MUC5B: variants seen among roughly 807,000 people sequenced by gnomAD.
The protein encoded by MUC5B is mucin 5B, oligomeric mucus/gel-forming.
MUC5B carries 116 observed loss-of-function variants against 376.9 expected under a neutral mutation model. The ratio of observed to expected loss-of-function variants is 0.31; its 90% CI spans 0.26 to 0.36. MUC5B has a LOEUF of 0.36. Among genes scored for constraint, MUC5B ranks in the 10% least tolerant of loss-of-function variants. The probability of loss-of-function intolerance (pLI) is 1.00; values close to 1 mark genes in which losing one functional copy is unlikely to be tolerated. For missense variants in MUC5B, 7,165 were observed against 7,769.9 expected (o/e 0.92, Z 2.93); for synonymous variants, 3,517 against 3,390.9 (o/e 1.04, Z -1.29).
rs952984083 is a variant in MUC5B at position 1,234,117 on chromosome 11, C to T, written c.2378-88C>T. ...TTGGCTCGGGGGCTGTTAACTTGAT[C>T]AGCAGGACAGGCTCAGGGCTGCCTG... is the stretch of plus-strand genomic sequence containing the variant. On this transcript the variant is annotated intron_variant, in intron 19 of 48. Coordinates refer to ENST00000529681, the MANE Select transcript of MUC5B (RefSeq NM_002458.3). The surrounding 1 kb of genome is among the most constrained non-coding windows in gnomAD (Gnocchi z 6.3). 5 of 1,126,700 alleles carry T rather than the reference C, an allele frequency of 4.4e-6. No individual in the cohort carries two copies. The highest frequency in any genetic ancestry group is 2.1e-5 in the Admixed American group (1 of 48,556). 69.8% of individuals were successfully genotyped at this position (1,126,700 alleles called of 1,614,324 possible).
Position 1,240,243 on chromosome 11 carries a change from G to A in MUC5B, c.3838G>A (p.Gly1280Arg), listed in dbSNP as rs1367882378. ...YQDVIYNTTDGLGACLIAICG... is the reference protein window; with the variant it reads ...YQDVIYNTTDRLGACLIAICG... Reference sequence around the variant, plus strand: ...GGACGTCATCTACAACACCACCGATGGGCTTGGCGCCTGCTTGATCGCCAT... The same window carrying A: ...GGACGTCATCTACAACACCACCGATAGGCTTGGCGCCTGCTTGATCGCCAT... Residue 1280 changes from glycine (G) to arginine (R), a missense_variant, in exon 30 of 49, where the codon GGG becomes AGG. Around this residue, in one of 31 missense-constraint regions of MUC5B, gnomAD observed 517 missense variants for 545.3 expected, o/e 0.95. Coordinates refer to ENST00000529681, the MANE Select transcript of MUC5B (RefSeq NM_002458.3). The A allele has an allele frequency of 6.8e-6, 11 of 1,613,584 alleles. No homozygotes were observed. Among genetic ancestry groups the A allele is most frequent in the Non-Finnish European group, 7.6e-6 (9 of 1,179,624 alleles).
intron 31 of MUC5B, 94 bp downstream of exon 31, chr11:1,251,837 C>A: frequency 1.1e-6 from 1 of 933,818 alleles, no homozygotes; most frequent in Non-Finnish European, 1.6e-6. Flanking sequence ...TTTCTCCCTG[C>A]TGGTCATGTT....
chr11:1,251,326 A>G lies in MUC5B; in HGVS notation c.14446A>G (p.Thr4816Ala), dbSNP rs1164904938. ...TATPSSTLGTTRILTELTTTA... is the reference protein window; with the variant it reads ...TATPSSTLGTARILTELTTTA... ...CACACCCTCCTCCACTCTGGGGACG[A>G]CCCGGATCCTCACTGAGCTGACCAC... The change falls in exon 31 of 49, where the codon ACC (threonine) becomes GCC (alanine). Residue 4816 changes from threonine to alanine, a missense_variant. Coordinates refer to ENST00000529681, the MANE Select transcript of MUC5B (RefSeq NM_002458.3). The G allele has an allele frequency of 6.2e-7, 1 of 1,609,518 alleles. No homozygotes were observed. The highest frequency in any genetic ancestry group is 2.2e-5 in the East Asian group (1 of 44,832).
At position 1,250,149 on chromosome 11, in the gene MUC5B, G is replaced by A. The variant is rs1475730067; in HGVS notation, c.13269G>A (p.Glu4423=). 2.5e-6 allele frequency: 4 copies of A among 1,611,194 alleles called. No individual in the cohort carries two copies. Among genetic ancestry groups the A allele is most frequent in the Non-Finnish European group, 3.4e-6 (4 of 1,178,562 alleles). ...STPGTTWILT[E]LTTTATTTAS... The stretch of plus-strand genomic sequence containing the variant: ...CAGGGACCACCTGGATCCTCACAGA[G>A]CTGACCACAACAGCCACTACGACTG... Residue 4423 remains glutamate (E), a synonymous_variant, in exon 31 of 49, where the codon GAG becomes GAA. Transcript: ENST00000529681.
Position 1,245,998 on chromosome 11 carries a change from A to G in MUC5B, c.9118A>G (p.Thr3040Ala). Residue 3040 changes from threonine (T) to alanine (A), a missense_variant, in exon 31 of 49, where the codon ACT becomes GCT. This residue lies in a region of MUC5B where 939 missense variants were observed against 770.6 expected (regional missense o/e 1.22). Transcript: ENST00000529681. ...ACCCACAGCCACCAGTTCCAAAGCC[A>G]CTTCCTCCTCCAGTCCAAGGACTGC... ...TTPTATSSKA[T>A]SSSSPRTATT... 1 of 1,612,428 alleles carries G rather than the reference A, an allele frequency of 6.2e-7. No homozygotes were observed. Among genetic ancestry groups the G allele is most frequent in the Non-Finnish European group, 8.5e-7 (1 of 1,179,492 alleles).
chr11:1,235,534 G>A, intron 23 of MUC5B, 121 bp downstream of exon 23: 1 of 826,194 alleles, frequency 1.2e-6, no homozygotes, highest in Non-Finnish European at 2.0e-6. Context: ...GCCCCGGGCT[G>A]CTGTTCCAAG....
Position 1,247,735 on chromosome 11 carries a change from G to T in MUC5B, c.10855G>T (p.Ala3619Ser). The change falls in exon 31 of 49, where the codon GCC becomes TCC. Residue 3619 changes from alanine to serine, a missense_variant. This residue lies in a region of MUC5B where 81 missense variants were observed against 154.5 expected (regional missense o/e 0.52). Coordinates refer to ENST00000529681, the MANE Select transcript of MUC5B (RefSeq NM_002458.3). ...CEQPLGLECR[A>S]QAQPGVPLRE... ...GCAGCCCCTGGGCCTCGAGTGCCGTGCCCAGGCCCAGCCTGGTGTCCCCCT... is the reference window on the plus strand; with the variant it reads ...GCAGCCCCTGGGCCTCGAGTGCCGTTCCCAGGCCCAGCCTGGTGTCCCCCT... 1 of 1,605,510 alleles carries T rather than the reference G, an allele frequency of 6.2e-7. No individual in the cohort carries two copies. The highest frequency in any genetic ancestry group is 8.5e-7 in the Non-Finnish European group (1 of 1,176,502).
chr11:1,231,676 C>T, intron 14 of MUC5B, 116 bp downstream of exon 14: 1 of 1,301,002 alleles, frequency 7.7e-7, no homozygotes, highest in South Asian at 1.5e-5. Flanking sequence ...GGGGGCTGCC[C>T]CCAGGGCATG....
At position 1,260,779 on chromosome 11, in the gene MUC5B, G is replaced by A. The variant is rs112002418; in HGVS notation, c.17069+51G>A. The A allele has an allele frequency of 7.4e-4, 1,013 of 1,373,726 alleles. 15 individuals are homozygous for A. In the African/African-American group the frequency reaches 0.013, roughly 17 times the overall value. 85.1% of individuals were successfully genotyped at this position (1,373,726 alleles called of 1,614,324 possible). Reference sequence around the variant, plus strand: ...AAGAGCACCTGCGTGTGGTGGGTCCGCCCTGGCCCGTCAGCTGGCTGGCAG... The same window carrying A: ...AAGAGCACCTGCGTGTGGTGGGTCCACCCTGGCCCGTCAGCTGGCTGGCAG... On this transcript the variant is annotated intron_variant, in intron 48 of 48. Coordinates refer to ENST00000529681, the MANE Select transcript of MUC5B (RefSeq NM_002458.3).
rs3021155 is a variant in MUC5B, at chr11:1,251,479, G to A, written c.14599G>A (p.Ala4867Thr). The A allele has an allele frequency of 0.075, 121,671 of 1,611,834 alleles. 5,122 individuals are homozygous for A. Among genetic ancestry groups the A allele is most frequent in the Admixed American group, 0.12 (7,136 of 59,932 alleles). The change falls in exon 31 of 49, where the codon GCC becomes ACC. Residue 4867 changes from alanine (A) to threonine (T), a missense_variant. By Grantham distance (58) the Ala-to-Thr change is moderately conservative. Around this residue, in one of 31 missense-constraint regions of MUC5B, gnomAD observed 730 missense variants for 592.7 expected, o/e 1.23. Coordinates refer to ENST00000529681, the MANE Select transcript of MUC5B (RefSeq NM_002458.3). ...GGTGCCCACCGGTTCCACGGCCACC[G>A]CCTCCTCCACTCTGGGAACAGCTCA... ...VMVPTGSTAT[A>T]SSTLGTAHTP...
chr11:1,250,621 C>G lies in MUC5B; in HGVS notation c.13741C>G (p.Pro4581Ala). 1 of 1,612,832 alleles carries G rather than the reference C, an allele frequency of 6.2e-7. No homozygotes were observed. Among genetic ancestry groups the G allele is most frequent in the Non-Finnish European group, 8.5e-7 (1 of 1,179,106 alleles). ...TTGATGSVAT[P>A]SSTPGTAHTT... ...CGGGGCCACCGGCTCTGTGGCCACC[C>G]CCTCCTCCACCCCAGGAACAGCTCA... The change falls in exon 31 of 49, where the codon CCC (proline) becomes GCC (alanine). Residue 4581 changes from proline to alanine, a missense_variant. By Grantham distance (27) the Pro-to-Ala change is conservative. This residue lies in a region of MUC5B where 730 missense variants were observed against 592.7 expected (regional missense o/e 1.23). Transcript: ENST00000529681.
Position 1,241,793 on chromosome 11 carries a change from G to A in MUC5B, c.4913G>A (p.Gly1638Glu). 3 of 1,612,134 alleles carry A rather than the reference G, an allele frequency of 1.9e-6. No homozygotes were observed. Among genetic ancestry groups the A allele is most frequent in the South Asian group, 1.1e-5 (1 of 90,934 alleles). The part of the protein sequence containing the change: ...FSTPQPTSSP[G>E]LTRAPPASTT... ...ACGCCGCAGCCTACGAGTAGCCCGG[G>A]GCTGACCAGGGCTCCCCCGGCCAGC... is the stretch of plus-strand genomic sequence containing the variant. Residue 1638 changes from glycine (G) to glutamate (E), a missense_variant, in exon 31 of 49, where the codon GGG becomes GAG. Physicochemically the swap from Gly to Glu is moderately conservative, Grantham distance 98 (BLOSUM62 -2). Around this residue, in one of 31 missense-constraint regions of MUC5B, gnomAD observed 897 missense variants for 779.6 expected, o/e 1.15. Transcript: ENST00000529681.
Position 1,229,866 on chromosome 11 carries a change from G to C in MUC5B, c.1220+59G>C, listed in dbSNP as rs1445157313. The C allele has an allele frequency of 4.5e-6, 7 of 1,542,576 alleles. No homozygotes were observed. In the Admixed American group the frequency reaches 9.7e-5, roughly 21 times the overall value. On this transcript the variant is annotated intron_variant, in intron 10 of 48. Transcript: ENST00000529681. ...GGGGTGTGGAGCTCCTGGTATTTAT[G>C]AACCCGCCAGCCTCTGCCTGGGGTG...
Position 1,257,607 on chromosome 11 carries a change from G to T in MUC5B, c.16347G>T (p.Leu5449=). 1 of 1,604,268 alleles carries T rather than the reference G, an allele frequency of 6.2e-7. No individual in the cohort carries two copies. The highest frequency in any genetic ancestry group is 8.5e-7 in the Non-Finnish European group (1 of 1,179,520). ...EGSVSVQCKP[L]PCDAQGQPPP... ...CAGTGTCGGTGCAGTGCAAGCCCCTGCCCTGTGACGCCCAGGGTCAGCCCC... is the reference window on the plus strand; with the variant it reads ...CAGTGTCGGTGCAGTGCAAGCCCCTTCCCTGTGACGCCCAGGGTCAGCCCC... Residue 5449 remains leucine (L), a synonymous_variant, in exon 41 of 49, where the codon CTG becomes CTT. Transcript: ENST00000529681. This position sits in a 1 kb window ranked among gnomAD's most constrained non-coding sequence, Gnocchi z 8.9.
In MUC5B at chr11:1,226,671, A is replaced by T. The variant is rs1171473703; in HGVS notation, c.256A>T (p.Lys86Ter). The T allele has an allele frequency of 6.2e-7, 1 of 1,612,404 alleles. No individual in the cohort carries two copies. The highest frequency in any genetic ancestry group is 2.2e-5 in the East Asian group (1 of 44,868). The part of the protein sequence containing the change: ...VCSTWGDFHY[K>*]TFDGDVFRFP... ...CAGCACCTGGGGTGACTTCCACTAC[A>T]AGACCTTCGACGGCGACGTCTTCCG... The change falls in exon 4 of 49, where the codon AAG becomes TAG. Residue 86 changes from lysine to a stop codon, truncating the protein, a stop_gained. Coordinates refer to ENST00000529681, the MANE Select transcript of MUC5B (RefSeq NM_002458.3). LOFTEE classifies it high-confidence loss of function.
chr11:1,224,609 G>C (rs1401995424), intron 1 of MUC5B, among the ~76,000 whole-genome samples: 4 of 151,632 alleles, frequency 2.6e-5, no homozygotes, highest in South Asian at 2.1e-4. Context: ...GGCTGCCTGC[G>C]GCGGGAGCCG....
At position 1,242,982 on chromosome 11, in the gene MUC5B, C is replaced by G; in HGVS notation, c.6102C>G (p.Gly2034=). The G allele has an allele frequency of 6.2e-7, 1 of 1,613,126 alleles. No homozygotes were observed. Among genetic ancestry groups the G allele is most frequent in the Non-Finnish European group, 8.5e-7 (1 of 1,179,410 alleles). Residue 2034 remains glycine, a synonymous_variant, in exon 31 of 49, where the codon GGC becomes GGG. Transcript: ENST00000529681. ...CGGCCACCACAACTGGGGCCACCGGCTCTGTGGCCACCCCCTCCTCCACCC... is the reference window on the plus strand; with the variant it reads ...CGGCCACCACAACTGGGGCCACCGGGTCTGTGGCCACCCCCTCCTCCACCC... The part of the protein sequence containing the change: ...TATATTTGAT[G]SVATPSSTPG...
rs770458795 is a variant in MUC5B at position 1,251,189 on chromosome 11, C to T, written c.14309C>T (p.Thr4770Ile). Reference protein sequence around the residue: ...TTWTVPAQTTTPMSTMSTIHT... With the variant: ...TTWTVPAQTTIPMSTMSTIHT... ...TGGACCGTCCCAGCACAGACCACCA[C>T]ACCCATGTCCACCATGTCCACAATC... Residue 4770 changes from threonine to isoleucine, a missense_variant, in exon 31 of 49, where the codon ACA (threonine) becomes ATA (isoleucine). Transcript: ENST00000529681. 13 of 1,611,440 alleles carry T rather than the reference C, an allele frequency of 8.1e-6. No homozygotes were observed. The East Asian group carries it at 2.2e-4, about 28-fold the overall frequency.
chr11:1,226,045 G>T (rs1050127296), intron 2 of MUC5B, among the ~76,000 whole-genome samples, 160 bp from the exon 3 acceptor site: 10 of 152,372 alleles, frequency 6.6e-5, no homozygotes, highest in African/African-American at 2.4e-4. Flanking sequence ...TGTTTGTGGG[G>T]CAGACAGGGC....
Sources: allele counts gnomAD v4.1 joint callset (sites outside exome capture counted in the v4.1 genomes callset), GRCh38; gene constraint gnomAD v4.1.1; regional missense constraint gnomAD v4.1.1; non-coding constraint Gnocchi (gnomAD v3.1); transcripts MANE v1.5; gene names NCBI Gene and HGNC (gene_info 2026-07-23, HGNC 2026-07-21).